EPG5: variants seen among roughly 807,000 people sequenced by gnomAD.
The protein encoded by EPG5 is ectopic P granules protein 5 homolog.
Under a neutral mutation model 302.7 loss-of-function variants are expected in EPG5, and 159 were observed. The observed-to-expected ratio is 0.53, with a 90% confidence interval of 0.46 to 0.60. EPG5 has a LOEUF of 0.60. Ranked by LOEUF, EPG5 falls within the 20% of genes least tolerant of loss-of-function variation. EPG5 has a pLI of 0.00. For missense variants in EPG5, 2,896 were observed against 3,092.4 expected (o/e 0.94, Z 1.51); for synonymous variants, 1,158 against 1,136.8 (o/e 1.02, Z -0.37).
chr18:45,932,745 A>G (rs539136443), intron 11 of EPG5, among the ~76,000 whole-genome samples: 1 of 152,300 alleles, frequency 6.6e-6, no homozygotes, highest in South Asian at 2.1e-4. Flanking sequence ...CATAGTAGGC[A>G]GATGAAACTT....
intron 20 of EPG5, 107 bp from the exon 21 acceptor site, chr18:45,913,935 A>G (rs1568149307): frequency 7.1e-7 from 1 of 1,413,642 alleles, no homozygotes; most frequent in Non-Finnish European, 9.6e-7. Flanking sequence ...AAGCTCAATC[A>G]GCAAATATTT....
chr18:45,832,654 C>G, the EPG5 span, among the ~76,000 whole-genome samples: 1 of 152,088 alleles, frequency 6.6e-6, no homozygotes, highest in Non-Finnish European at 1.5e-5. Context: ...TCCTGATGAC[C>G]CCTGAAGGTT....
chr18:45,919,801 T>C (rs966833600), intron 16 of EPG5, among the ~76,000 whole-genome samples: 2 of 152,000 alleles, frequency 1.3e-5, no homozygotes, highest in Non-Finnish European at 2.9e-5. Context: ...CGTGAGCCAC[T>C]GCACCCGGCC....
In EPG5 at chr18:45,883,635, T is replaced by G. The variant is rs577440487; in HGVS notation, c.5304+982A>C. ...TGGTGTTTTTTTTTTTTTTTTTTTT[T>G]TTTTTTGTACAGACAGGGTTTCTGT... On this transcript the variant is annotated intron_variant, in intron 30 of 43. Transcript: ENST00000282041. 2.1e-3 allele frequency among the ~76,000 whole-genome samples: 296 copies of G among 139,124 alleles called. 3 individuals carry two copies. Among genetic ancestry groups the G allele is most frequent in the African/African-American group, 7.9e-3 (280 of 35,388 alleles). 91.3% of individuals were successfully genotyped at this position (139,124 alleles called of 152,430 possible).
intron 27 of EPG5, among the ~76,000 whole-genome samples, chr18:45,891,498 CA>C (rs763632848): frequency 0.026 from 1,315 of 50,378 alleles, 25 homozygotes; most frequent in Admixed American, 0.13. Flanking sequence ...GACTCCGTCT[CA>C]AAAAAAAAAA....
chr18:45,930,808 A>T lies in EPG5; in HGVS notation c.2280T>A (p.Phe760Leu). Reference protein sequence around the residue: ...QLQDPEHFTNFEKCLSSMNSS... With the variant: ...QLQDPEHFTNLEKCLSSMNSS... ...TATTCATAGAAGAAAGACACTTCTCAAAGTTGGTAAAATGTTCTGGGTCTG... is the reference window on the plus strand; with the variant it reads ...TATTCATAGAAGAAAGACACTTCTCTAAGTTGGTAAAATGTTCTGGGTCTG... Residue 760 changes from phenylalanine to leucine, a missense_variant, in exon 12 of 44, where the codon TTT (phenylalanine) becomes TTA (leucine). Around this residue, in one of 5 missense-constraint regions of EPG5, gnomAD observed 1,390 missense variants for 1,430.0 expected, o/e 0.97. Transcript: ENST00000282041. 1 of 1,597,148 alleles carries T rather than the reference A, an allele frequency of 6.3e-7. No individual in the cohort carries two copies. Among genetic ancestry groups the T allele is most frequent in the Non-Finnish European group, 8.5e-7 (1 of 1,175,432 alleles).
chr18:45,818,115 A>T, the EPG5 span, among the ~76,000 whole-genome samples: 1 of 152,162 alleles, frequency 6.6e-6, no homozygotes, highest in East Asian at 1.9e-4. Context: ...ATCAGCACAT[A>T]CATATATGTT....
chr18:45,920,617 G>A (rs2050133614), intron 16 of EPG5, among the ~76,000 whole-genome samples: 1 of 152,222 alleles, frequency 6.6e-6, no homozygotes, highest in Admixed American at 6.5e-5. Context: ...GACAGGAAGT[G>A]AGGAGGAGGC....
At chr18:45,930,077 G>A (rs1004267190) in intron 12 of EPG5, among the ~76,000 whole-genome samples, 7 of 152,080 alleles carry the variant, frequency 4.6e-5, no homozygotes, top group Admixed American at 3.3e-4. Flanking sequence ...AACCACTTTG[G>A]GCTAGTCCCT....
At chr18:45,858,114 C>T in intron 41 of EPG5, 46 bp from the exon 42 acceptor site, 1 of 1,466,564 alleles carries the variant, frequency 6.8e-7, no homozygotes, top group Non-Finnish European at 9.4e-7. Flanking sequence ...TAAATTTTTC[C>T]CACTCCCATT....
intron 37 of EPG5, 150 bp downstream of exon 37, chr18:45,867,413 C>G (rs2048769884): frequency 1.5e-6 from 1 of 676,898 alleles, no homozygotes; most frequent in Non-Finnish European, 2.6e-6. Flanking sequence ...CCAAGAAAAT[C>G]AGGCATCTGG....
At chr18:45,866,229 C>T (rs899380592) in intron 38 of EPG5, among the ~76,000 whole-genome samples, 8 of 151,500 alleles carry the variant, frequency 5.3e-5, no homozygotes, top group Admixed American at 3.9e-4. Flanking sequence ...AAGCGATTCT[C>T]CTACCTCAGT....
intron 42 of EPG5, among the ~76,000 whole-genome samples, chr18:45,856,863 C>G (rs543869873): frequency 6.6e-6 from 1 of 152,258 alleles, no homozygotes; most frequent in African/African-American, 2.4e-5. Context: ...TTTTTTGCAA[C>G]AAAAATCCAG....
intron 2 of EPG5, 42 bp from the exon 3 acceptor site, chr18:45,952,685 T>C: frequency 3.1e-6 from 5 of 1,602,448 alleles, no homozygotes; most frequent in Non-Finnish European, 4.3e-6. Flanking sequence ...CCAGTTACTC[T>C]TTCCATTTGA....
intron 21 of EPG5, among the ~76,000 whole-genome samples, chr18:45,913,371 C>T (rs959363297): frequency 6.6e-6 from 1 of 152,152 alleles, no homozygotes; most frequent in Non-Finnish European, 1.5e-5. Context: ...TTGTCCCACT[C>T]GAGACTCAGA....
Position 45,955,061 on chromosome 18 carries a change from C to T in EPG5, c.341G>A (p.Gly114Glu). The change falls in exon 2 of 44, where the codon GGG becomes GAG. Residue 114 changes from glycine (G) to glutamate (E), a missense_variant. Around this residue, in one of 5 missense-constraint regions of EPG5, gnomAD observed 1,390 missense variants for 1,430.0 expected, o/e 0.97. Transcript: ENST00000282041. ...GACCTTTGGAGTGACTGCACTGTCC[C>T]CCACACAGGGTCTGGCCTCTCCCCC... ...KEGGEARPCV[G>E]DSAVTPKVHP... 1.2e-6 allele frequency: 2 copies of T among 1,614,138 alleles called. No individual in the cohort carries two copies. The highest frequency in any genetic ancestry group is 1.1e-5 in the South Asian group (1 of 91,076).
chr18:45,963,351 G>A lies in EPG5; in HGVS notation c.63+3826C>T, dbSNP rs188612367. On this transcript the variant is annotated intron_variant, in intron 1 of 43. Transcript: ENST00000282041. ...AGGAAACAACATGGGCAAAGGCCCT[G>A]AAGCAGGAAAGAATATAAAGGTTAA... Among the ~76,000 whole-genome samples the A allele has an allele frequency of 5.3e-5, 8 of 152,334 alleles. No homozygotes were observed. The East Asian group carries it at 1.5e-3, about 29-fold the overall frequency.
At chr18:45,856,820 G>T (rs994333533) in intron 42 of EPG5, among the ~76,000 whole-genome samples, 5 of 152,186 alleles carry the variant, frequency 3.3e-5, no homozygotes, top group African/African-American at 9.7e-5. Flanking sequence ...AGAGAAAACA[G>T]GAGCTAATGG....
chr18:45,837,643 G>A, the EPG5 span: 2 of 1,506,870 alleles, frequency 1.3e-6, no homozygotes, highest in South Asian at 2.5e-5. Flanking sequence ...CGGCCATCTG[G>A]CGCGCGGGCG....
Sources: gnomAD v4.1 joint callset for allele counts (sites outside exome capture counted in the v4.1 genomes callset) on GRCh38, gnomAD v4.1.1 for gene constraint, gnomAD v4.1.1 regional missense constraint, MANE v1.5 for transcripts, NCBI Gene and HGNC (gene_info 2026-07-23, HGNC 2026-07-21) for gene names.